Variants in IDE observed in about 807,000 individuals in gnomAD.
IDE encodes the protein insulin-degrading enzyme.
Under a neutral mutation model 133.2 loss-of-function variants are expected in IDE, and 58 were observed. That is an observed-to-expected ratio of 0.44 (90% CI 0.35 to 0.54). The LOEUF is 0.54. Ranked by LOEUF, IDE falls within the 20% of genes least tolerant of loss-of-function variation. IDE has a pLI of 0.00. For synonymous variants in IDE, 396 were observed against 421.3 expected (o/e 0.94, Z 0.73); for missense variants, 981 against 1,234.0 (o/e 0.79, Z 3.07).
chr10:92,479,448 A>G, intron 14 of IDE, 27 bp from the exon 15 acceptor site: 1 of 1,569,414 alleles, frequency 6.4e-7, no homozygotes, highest in Non-Finnish European at 8.7e-7. Flanking sequence ...ACAGTAAAAT[A>G]GCTGATTTTA....
intron 1 of IDE, among the ~76,000 whole-genome samples, chr10:92,561,965 G>A (rs1013112253): frequency 2.6e-5 from 4 of 152,068 alleles, no homozygotes; most frequent in African/African-American, 9.7e-5. Flanking sequence ...GTATAGAACG[G>A]ATCACAAATA....
At chr10:92,510,285 T>G (rs927360723) in intron 5 of IDE, 123 bp from the exon 6 acceptor site, 2 of 499,446 alleles carry the variant, frequency 4.0e-6, no homozygotes, top group Non-Finnish European at 7.1e-6. Flanking sequence ...GTGAAAATGA[T>G]TACACCTCAC....
At chr10:92,563,448 T>G (rs1041067608) in intron 1 of IDE, among the ~76,000 whole-genome samples, 3 of 147,504 alleles carry the variant, frequency 2.0e-5, no homozygotes, top group Non-Finnish European at 3.0e-5. Flanking sequence ...TGAGACTCTG[T>G]CTCAAAAAGA....
intron 1 of IDE, among the ~76,000 whole-genome samples, 155 bp from the exon 2 acceptor site, chr10:92,537,705 C>A (rs1161310867): frequency 6.6e-6 from 1 of 152,132 alleles, no homozygotes; most frequent in Non-Finnish European, 1.5e-5. Context: ...CATTCCTTTC[C>A]TCCCTCTTAC....
chr10:92,511,763 A>G (rs77413847), intron 5 of IDE, among the ~76,000 whole-genome samples: 29,705 of 152,036 alleles, frequency 0.2, 3,269 homozygotes, highest in Admixed American at 0.28. Flanking sequence ...GTGGCTGCCT[A>G]TTATATGACA....
At chr10:92,551,566 C>CAAAAAAA (rs1232265058) in intron 1 of IDE, among the ~76,000 whole-genome samples, 5 of 66,592 alleles carry the variant, frequency 7.5e-5, no homozygotes, top group Non-Finnish European at 1.3e-4. Context: ...GACTCCATCT[C>CAAAAAAA]AAAAAAAAAA....
At chr10:92,455,373 G>A (rs745618243) in intron 24 of IDE, among the ~76,000 whole-genome samples, 3 of 152,136 alleles carry the variant, frequency 2.0e-5, no homozygotes, top group Non-Finnish European at 4.4e-5. Context: ...CTACTCAAGA[G>A]GCTGAGGCAG....
rs1843836215 is a variant in IDE at position 92,572,567 on chromosome 10, C to T, written c.98+1355G>A. Among the ~76,000 whole-genome samples, 4 of 152,192 alleles carry T rather than the reference C, an allele frequency of 2.6e-5. No homozygotes were observed. In the South Asian group the frequency reaches 8.3e-4, roughly 31 times the overall value. On this transcript the variant is annotated intron_variant, in intron 1 of 24. Coordinates refer to ENST00000265986, the MANE Select transcript of IDE (RefSeq NM_004969.4). ...CCACCAAACTACTTTCCTAAACCCCCAGTTCCATCAGATAACTTTCCAGCT... is the reference window on the plus strand; with the variant it reads ...CCACCAAACTACTTTCCTAAACCCCTAGTTCCATCAGATAACTTTCCAGCT...
intron 2 of IDE, among the ~76,000 whole-genome samples, chr10:92,535,518 T>C (rs979858472): frequency 5.3e-5 from 8 of 152,204 alleles, no homozygotes; most frequent in African/African-American, 1.2e-4. Context: ...CACAATACTG[T>C]ACCTATCTTG....
At chr10:92,477,242 C>T (rs1442867269) in intron 15 of IDE, among the ~76,000 whole-genome samples, 2 of 152,066 alleles carry the variant, frequency 1.3e-5, no homozygotes, top group East Asian at 1.9e-4. Context: ...AACTTCTGCT[C>T]CGCAGGCTCA....
intron 11 of IDE, among the ~76,000 whole-genome samples, chr10:92,500,159 T>C (rs1847927475): frequency 6.6e-6 from 1 of 151,940 alleles, no homozygotes; most frequent in South Asian, 2.1e-4. Flanking sequence ...TAGCCAGACA[T>C]GGTGGTGCGT....
intron 1 of IDE, among the ~76,000 whole-genome samples, chr10:92,571,195 G>A (rs1843771175): frequency 6.6e-6 from 1 of 151,826 alleles, no homozygotes; most frequent in African/African-American, 2.4e-5. Flanking sequence ...TGTATTTTTA[G>A]TAGAGATGGG....
At chr10:92,456,848 A>C (rs1845048640) in intron 22 of IDE, among the ~76,000 whole-genome samples, 1 of 69,308 alleles carries the variant, frequency 1.4e-5, no homozygotes. Flanking sequence ...CTGTCTCAAA[A>C]AAAAAAAAAA....
At chr10:92,536,700 G>A (rs1411242608) in intron 2 of IDE, among the ~76,000 whole-genome samples, 4 of 138,374 alleles carry the variant, frequency 2.9e-5, no homozygotes, top group Admixed American at 7.3e-5. Context: ...CTCCCACTCA[G>A]AAAAAAAAAA....
intron 11 of IDE, among the ~76,000 whole-genome samples, chr10:92,503,168 G>A (rs1848115293): frequency 6.6e-6 from 1 of 152,030 alleles, no homozygotes; most frequent in Admixed American, 6.6e-5. Context: ...AGTGGCTCAC[G>A]ACGGCTGTAA....
intron 1 of IDE, among the ~76,000 whole-genome samples, chr10:92,546,277 G>A (rs1450324911): frequency 1.3e-5 from 2 of 152,162 alleles, no homozygotes; most frequent in Non-Finnish European, 2.9e-5. Flanking sequence ...GAGAATGAAG[G>A]GGGCTTTGGG....
intron 1 of IDE, among the ~76,000 whole-genome samples, chr10:92,543,325 T>C (rs1330300224): frequency 2.0e-5 from 3 of 152,152 alleles, no homozygotes; most frequent in South Asian, 2.1e-4. Context: ...GGTGACAAGA[T>C]AGTGGTGGTA....
At chr10:92,508,040 A>G (rs1848388847) in intron 8 of IDE, 73 bp downstream of exon 8, 1 of 1,019,932 alleles carries the variant, frequency 9.8e-7, no homozygotes, top group Non-Finnish European at 1.5e-6. Context: ...ACAGATCCAC[A>G]GCATGAAGAA....
At chr10:92,543,582 C>T (rs1564666497) in intron 1 of IDE, among the ~76,000 whole-genome samples, 1 of 152,186 alleles carries the variant, frequency 6.6e-6, no homozygotes, top group Admixed American at 6.5e-5. Context: ...TATCAGCTAT[C>T]GTAACTCTAT....
Sources: gnomAD v4.1 joint callset for allele counts (sites outside exome capture counted in the v4.1 genomes callset) on GRCh38, gnomAD v4.1.1 for gene constraint, MANE v1.5 for transcripts, NCBI Gene and HGNC (gene_info 2026-07-23, HGNC 2026-07-21) for gene names.